Variants in AMBRA1 observed in about 807,000 individuals in gnomAD.
AMBRA1 encodes the protein autophagy and beclin 1 regulator 1.
A neutral mutation model predicts 125.4 loss-of-function variants in AMBRA1; 47 were observed. The ratio of observed to expected loss-of-function variants is 0.37; its 90% confidence interval spans 0.30 to 0.48. AMBRA1 has a LOEUF of 0.48. Ranked by LOEUF, AMBRA1 falls within the 20% of genes least tolerant of loss-of-function variation. The pLI is 0.99. For synonymous variants in AMBRA1, 626 were observed against 655.5 expected, an observed-to-expected ratio of 0.95 and a Z score of 0.69; for missense variants, 1,331 against 1,693.4, an observed-to-expected ratio of 0.79 and a Z score of 3.76.
intron 7 of AMBRA1, 113 bp from the exon 8 acceptor site, chr11:46,512,926 C>CAG: frequency 1.1e-6 from 1 of 887,382 alleles, no homozygotes; most frequent in Non-Finnish European, 1.7e-6. Context: ...AGCCAGCTAA[C>CAG]GCCTGTTATC....
intron 15 of AMBRA1, among the ~76,000 whole-genome samples, chr11:46,414,503 C>T (rs1946441773): frequency 6.6e-6 from 1 of 152,156 alleles, no homozygotes; most frequent in Non-Finnish European, 1.5e-5. Flanking sequence ...CTGATTCTGT[C>T]CTTTGAGCTG....
At chr11:46,587,597 G>A (rs1036470959) in intron 1 of AMBRA1, among the ~76,000 whole-genome samples, 1 of 152,098 alleles carries the variant, frequency 6.6e-6, no homozygotes, top group African/African-American at 2.4e-5. Flanking sequence ...TTTTCAAGGG[G>A]ATTAAGGATG....
At chr11:46,552,270 G>C (rs1434904883) in intron 1 of AMBRA1, among the ~76,000 whole-genome samples, 1 of 144,290 alleles carries the variant, frequency 6.9e-6, no homozygotes, top group Non-Finnish European at 1.5e-5. Flanking sequence ...TTGGGAGGCT[G>C]AGGCACGAGA....
At chr11:46,570,602 C>T (rs979731993) in intron 1 of AMBRA1, among the ~76,000 whole-genome samples, 6 of 152,172 alleles carry the variant, frequency 3.9e-5, no homozygotes, top group African/African-American at 1.4e-4. Flanking sequence ...CAGACAAAAC[C>T]CTAGCTCAAC....
At chr11:46,453,105 C>T (rs1008716212) in intron 11 of AMBRA1, among the ~76,000 whole-genome samples, 2 of 152,124 alleles carry the variant, frequency 1.3e-5, no homozygotes, top group Non-Finnish European at 2.9e-5. Flanking sequence ...TTACTCTGTC[C>T]CACTCCTGCC....
At chr11:46,586,610 T>C (rs980761189) in intron 1 of AMBRA1, among the ~76,000 whole-genome samples, 4 of 152,194 alleles carry the variant, frequency 2.6e-5, no homozygotes, top group African/African-American at 7.2e-5. Flanking sequence ...ATGTGTTCTT[T>C]TGGAAAACTT....
intron 9 of AMBRA1, among the ~76,000 whole-genome samples, chr11:46,507,459 A>G (rs1248203074): frequency 6.6e-6 from 1 of 151,276 alleles, no homozygotes; most frequent in Non-Finnish European, 1.5e-5. Flanking sequence ...AGCCTGAGCG[A>G]AAGAGCGAGA....
rs1952790634 is a variant in AMBRA1 at position 46,542,360 on chromosome 11, T to A, written c.1657A>T (p.Ser553Cys). ...PGPSHQPTPH[S>C]SENNSNLSRG... Reference sequence around the variant, plus strand: ...GACAGGTTGGAGTTGTTCTCACTGCTGTGTGGGGTGGGCTGGTGGGAAGGG... The same window carrying A: ...GACAGGTTGGAGTTGTTCTCACTGCAGTGTGGGGTGGGCTGGTGGGAAGGG... The change falls in exon 7 of 18, where the codon AGC becomes TGC. Residue 553 changes from serine to cysteine, a missense_variant. This residue lies in a region of AMBRA1 where 689 missense variants were observed against 776.5 expected (regional missense o/e 0.89). Coordinates refer to ENST00000683756, the MANE Select transcript of AMBRA1 (RefSeq NM_001387011.1). The surrounding 1 kb of genome is among the most constrained non-coding windows in gnomAD (Gnocchi z 5.9). 6.2e-7 allele frequency: 1 copy of A among 1,614,108 alleles called. No homozygotes were observed. The highest frequency in any genetic ancestry group is 8.5e-7 in the Non-Finnish European group (1 of 1,180,032).
intron 17 of AMBRA1, among the ~76,000 whole-genome samples, chr11:46,406,481 A>G (rs1362172943): frequency 6.6e-6 from 1 of 151,296 alleles, no homozygotes; most frequent in East Asian, 2.0e-4. Flanking sequence ...GTTCAAGGCC[A>G]GCAAGGGCAA....
At chr11:46,458,068 G>A (rs558978653) in intron 11 of AMBRA1, among the ~76,000 whole-genome samples, 2 of 152,276 alleles carry the variant, frequency 1.3e-5, no homozygotes, top group African/African-American at 4.8e-5. Context: ...TGGTGAATGG[G>A]TCTGTTTCAC....
At chr11:46,489,456 T>C (rs923432847) in intron 11 of AMBRA1, among the ~76,000 whole-genome samples, 1 of 152,048 alleles carries the variant, frequency 6.6e-6, no homozygotes, top group African/African-American at 2.4e-5. Flanking sequence ...TTTTTCTTTT[T>C]TATATTTAAA....
intron 3 of AMBRA1, 113 bp downstream of exon 3, chr11:46,547,704 T>C (rs533936663): frequency 1.9e-6 from 2 of 1,046,360 alleles, no homozygotes; most frequent in East Asian, 2.6e-5. Context: ...CAAAGTGCTG[T>C]TCATACAGTA....
rs942850647 is a variant in AMBRA1, at chr11:46,397,324, G to C, written c.*126C>G. 1.4e-5 allele frequency: 18 copies of C among 1,301,234 alleles called. No homozygotes were observed. The highest frequency in any genetic ancestry group is 1.8e-5 in the Non-Finnish European group (18 of 1,000,058). The allele number at this position is 1,301,234 out of a possible 1,614,324, so 80.6% of individuals were successfully genotyped here. A position where few individuals can be genotyped will look rare whatever the true frequency, so the allele number is the denominator to read the frequency against. ...ACTGACTGATCTTCCTCTCCACCCT[G>C]ACCCTCTTCCTCCTCCTGTTCCCTG... On this transcript the variant is annotated 3_prime_UTR_variant, in exon 18 of 18. Coordinates refer to ENST00000683756, the MANE Select transcript of AMBRA1 (RefSeq NM_001387011.1).
chr11:46,575,499 GT>G (rs2043927456), intron 1 of AMBRA1, among the ~76,000 whole-genome samples: 1 of 124,598 alleles, frequency 8.0e-6, no homozygotes, highest in Non-Finnish European at 1.7e-5. Flanking sequence ...ACAGAAATTT[GT>G]TTTTTTCTTT....
intron 12 of AMBRA1, among the ~76,000 whole-genome samples, chr11:46,440,223 A>G (rs1947937551): frequency 6.6e-6 from 1 of 152,210 alleles, no homozygotes; most frequent in Admixed American, 6.5e-5. Flanking sequence ...ACATTCATAC[A>G]ATGGAATAGT....
chr11:46,533,703 G>A (rs1952326060), intron 7 of AMBRA1, among the ~76,000 whole-genome samples: 1 of 152,022 alleles, frequency 6.6e-6, no homozygotes, highest in Non-Finnish European at 1.5e-5. Flanking sequence ...TAGCTCCTAG[G>A]TCTATTCTCA....
At chr11:46,592,303 A>G (rs1049356214) in intron 1 of AMBRA1, among the ~76,000 whole-genome samples, 3 of 152,106 alleles carry the variant, frequency 2.0e-5, no homozygotes, top group Admixed American at 1.3e-4. Flanking sequence ...TCCGATGAAA[A>G]TAACAGACTT....
intron 11 of AMBRA1, 138 bp downstream of exon 11, chr11:46,493,470 T>A (rs1950533702): frequency 1.5e-6 from 1 of 663,708 alleles, no homozygotes; most frequent in African/African-American, 1.9e-5. Flanking sequence ...AGGAACTGAA[T>A]ATCAAACCAG....
intron 11 of AMBRA1, among the ~76,000 whole-genome samples, chr11:46,471,298 T>G (rs111387831): frequency 0.013 from 1,917 of 151,236 alleles, 50 homozygotes; most frequent in African/African-American, 0.045. Context: ...TAAAAATTCG[T>G]CTGGGCACGG....
Sources: gnomAD v4.1 joint callset for allele counts (sites outside exome capture counted in the v4.1 genomes callset) on GRCh38, gnomAD v4.1.1 for gene constraint, gnomAD v4.1.1 regional missense constraint, Gnocchi (gnomAD v3.1) non-coding constraint, MANE v1.5 for transcripts, NCBI Gene and HGNC (gene_info 2026-07-23, HGNC 2026-07-21) for gene names.